Variants in KCNH5 observed in about 807,000 individuals in gnomAD.
The protein encoded by KCNH5 is potassium voltage-gated channel subfamily H member 5.
KCNH5 carries 46 observed loss-of-function variants against 96.1 expected under a neutral mutation model. That is an observed-to-expected ratio of 0.48 (90% CI 0.38 to 0.61). KCNH5 has a LOEUF of 0.61. KCNH5 is among the 20% of genes least tolerant of loss of function. The pLI, the probability that KCNH5 is intolerant of heterozygous loss-of-function variation, is 0.00. For synonymous variants in KCNH5, 439 were observed against 449.8 expected (o/e 0.98, Z 0.30); for missense variants, 907 against 1,225.8 (o/e 0.74, Z 3.88).
chr14:63,017,647 G>A (rs1891350842), intron 1 of KCNH5, among the ~76,000 whole-genome samples: 1 of 151,450 alleles, frequency 6.6e-6, no homozygotes, highest in South Asian at 2.1e-4. Flanking sequence ...ATATTAGGCA[G>A]TAACTTTAGC....
At chr14:62,812,611 CA>C (rs34959480) in intron 8 of KCNH5, among the ~76,000 whole-genome samples, 20,985 of 152,038 alleles carry the variant, frequency 0.14, 1,666 homozygotes, top group Non-Finnish European at 0.18. Context: ...TGATAATTAA[CA>C]GAGAAGGCAA....
chr14:63,007,468 G>A lies in KCNH5; in HGVS notation c.198-996C>T, dbSNP rs192193389. Among the ~76,000 whole-genome samples, 800 of 152,108 alleles carry A rather than the reference G, an allele frequency of 5.3e-3. 4 individuals carry two copies. The highest frequency in any genetic ancestry group is 0.01 in the Middle Eastern group (3 of 294). ...ATAAAACACTTCCTCCATTCTCAAC[G>A]TTTCTAATGTTCAAAATCACAGTAC... On this transcript the variant is annotated intron_variant, in intron 2 of 10. Coordinates refer to ENST00000322893, the MANE Select transcript of KCNH5 (RefSeq NM_139318.5).
chr14:62,805,735 A>G lies in KCNH5; in HGVS notation c.1570-3154T>C, dbSNP rs540769329. Among the ~76,000 whole-genome samples the G allele has an allele frequency of 5.9e-5, 9 of 152,332 alleles. No individual in the cohort carries two copies. The East Asian group carries it at 9.6e-4, about 16-fold the overall frequency. Reference sequence around the variant, plus strand: ...GAGGATTTCATAGTTACAAACAAATAAAATTATATTTCAGAAGAAAATACT... The same window carrying G: ...GAGGATTTCATAGTTACAAACAAATGAAATTATATTTCAGAAGAAAATACT... On this transcript the variant is annotated intron_variant, in intron 8 of 10. Transcript: ENST00000322893.
intron 10 of KCNH5, among the ~76,000 whole-genome samples, chr14:62,763,682 T>A (rs1238779068): frequency 6.6e-6 from 1 of 151,804 alleles, no homozygotes; most frequent in Admixed American, 6.6e-5. Flanking sequence ...AATAAACACA[T>A]CAGAAATAAC....
chr14:63,014,333 C>T (rs1273855925), intron 2 of KCNH5, among the ~76,000 whole-genome samples: 1 of 152,062 alleles, frequency 6.6e-6, no homozygotes, highest in Admixed American at 6.6e-5. Flanking sequence ...CAATCCAATT[C>T]AATAAATACT....
chr14:63,029,533 G>A (rs552520638), intron 1 of KCNH5, among the ~76,000 whole-genome samples: 1 of 151,872 alleles, frequency 6.6e-6, no homozygotes, highest in African/African-American at 2.4e-5. Context: ...CGGGGGGGAT[G>A]TATGTATGTA....
chr14:63,014,403 TAC>T (rs939536581), intron 2 of KCNH5, among the ~76,000 whole-genome samples: 1 of 152,162 alleles, frequency 6.6e-6, no homozygotes, highest in African/African-American at 2.4e-5. Context: ...ATGGAGACCC[TAC>T]TTTTAAGGCA....
chr14:62,785,056 A>T (rs973628556), intron 9 of KCNH5, among the ~76,000 whole-genome samples: 1 of 152,188 alleles, frequency 6.6e-6, no homozygotes, highest in Non-Finnish European at 1.5e-5. Flanking sequence ...ATTATATAGA[A>T]TTTTCATTGG....
chr14:62,942,176 A>G (rs2140124017), intron 7 of KCNH5, among the ~76,000 whole-genome samples: 1 of 152,260 alleles, frequency 6.6e-6, no homozygotes, highest in Admixed American at 6.5e-5. Flanking sequence ...CCTCATCTCC[A>G]ATAACCAGCT....
At position 63,045,374 on chromosome 14, in the gene KCNH5, G is replaced by C. The variant is rs1891905871; in HGVS notation, c.-188C>G. ...CCCGGATGAGCAGCTCTGGGGAGGA[G>C]GACCAGGCAGTTCATGGTAGTAGCG... On this transcript the variant is annotated 5_prime_UTR_variant, in exon 1 of 11. Coordinates refer to ENST00000322893, the MANE Select transcript of KCNH5 (RefSeq NM_139318.5). 3 of 614,862 alleles carry C rather than the reference G, an allele frequency of 4.9e-6. No individual in the cohort carries two copies. Among genetic ancestry groups the C allele is most frequent in the Middle Eastern group, 8.7e-4 (2 of 2,306 alleles). 38.1% of individuals were successfully genotyped at this position (614,862 alleles called of 1,614,324 possible).
intron 5 of KCNH5, among the ~76,000 whole-genome samples, chr14:62,981,762 A>G (rs1353527555): frequency 6.6e-6 from 1 of 152,208 alleles, no homozygotes; most frequent in Non-Finnish European, 1.5e-5. Context: ...ACAGCAGTGT[A>G]AAGGGTTGTA....
At chr14:62,898,672 TACTC>T (rs1312242088) in intron 7 of KCNH5, among the ~76,000 whole-genome samples, 1 of 152,044 alleles carries the variant, frequency 6.6e-6, no homozygotes, top group Admixed American at 6.5e-5. Context: ...TACAGAGAAA[TACTC>T]AGCAAAATAA....
intron 6 of KCNH5, among the ~76,000 whole-genome samples, chr14:62,962,306 T>G (rs1890228645): frequency 6.6e-6 from 1 of 152,152 alleles, no homozygotes; most frequent in Non-Finnish European, 1.5e-5. Flanking sequence ...TTGCATTTGA[T>G]CAGCAATTAA....
chr14:62,939,425 G>A (rs149600605), intron 7 of KCNH5, among the ~76,000 whole-genome samples: 3 of 152,198 alleles, frequency 2.0e-5, no homozygotes, highest in Admixed American at 1.3e-4. Flanking sequence ...CTGGAAACCA[G>A]AACCACATTT....
chr14:62,952,871 A>G (rs1933993830), intron 6 of KCNH5, among the ~76,000 whole-genome samples: 1 of 152,146 alleles, frequency 6.6e-6, no homozygotes, highest in South Asian at 2.1e-4. Flanking sequence ...CCTGCTCTGG[A>G]TTCTGCTTAC....
At chr14:62,791,601 G>C (rs560544194) in intron 9 of KCNH5, among the ~76,000 whole-genome samples, 3 of 151,718 alleles carry the variant, frequency 2.0e-5, no homozygotes, top group South Asian at 4.1e-4. Flanking sequence ...GCAAACAGTA[G>C]CCAAAAGAGA....
intron 10 of KCNH5, among the ~76,000 whole-genome samples, chr14:62,721,504 C>CTT (rs1884816097): frequency 3.3e-5 from 5 of 150,456 alleles, no homozygotes; most frequent in African/African-American, 1.2e-4. Context: ...CACTCGCTCT[C>CTT]TCTCTCTCTC....
At chr14:62,714,785 G>T in intron 10 of KCNH5, among the ~76,000 whole-genome samples, 1 of 152,012 alleles carries the variant, frequency 6.6e-6, no homozygotes, top group East Asian at 1.9e-4. Flanking sequence ...CCTAATATTT[G>T]GTTTTATTCT....
At chr14:62,775,994 C>A (rs1886087297) in intron 10 of KCNH5, among the ~76,000 whole-genome samples, 1 of 152,070 alleles carries the variant, frequency 6.6e-6, no homozygotes, top group Admixed American at 6.6e-5. Flanking sequence ...TTGGGGCCAG[C>A]GCGGTGGCTC....
Sources: gnomAD v4.1 joint callset for allele counts (sites outside exome capture counted in the v4.1 genomes callset) on GRCh38, gnomAD v4.1.1 for gene constraint, MANE v1.5 for transcripts, NCBI Gene and HGNC (gene_info 2026-07-23, HGNC 2026-07-21) for gene names.